Variants in LDLRAD4 observed in about 807,000 individuals in gnomAD.
LDLRAD4 encodes low-density lipoprotein receptor class A domain-containing protein 4.
LDLRAD4 carries 5 observed loss-of-function variants against 17.0 expected under a neutral mutation model. The observed-to-expected ratio is 0.29, with a 90% confidence interval of 0.15 to 0.62. The LOEUF (loss-of-function observed/expected upper bound fraction) is 0.62. Ranked by LOEUF, LDLRAD4 falls within the 20% of genes least tolerant of loss-of-function variation. LDLRAD4 has a pLI of 0.84. For missense variants in LDLRAD4, 340 were observed against 424.7 expected, an observed-to-expected ratio of 0.80 and a Z score of 1.75; for synonymous variants, 168 against 171.8, an observed-to-expected ratio of 0.98 and a Z score of 0.17.
chr18:13,247,825 T>C (rs1004290677), intron 1 of LDLRAD4, among the ~76,000 whole-genome samples: 1 of 152,170 alleles, frequency 6.6e-6, no homozygotes, highest in African/African-American at 2.4e-5. Flanking sequence ...GCCACAGTTT[T>C]CATAGGCCAC....
chr18:13,535,601 C>G (rs998810505), intron 3 of LDLRAD4, among the ~76,000 whole-genome samples: 25 of 152,080 alleles, frequency 1.6e-4, no homozygotes, highest in African/African-American at 5.8e-4. Context: ...TTCTCCTAGT[C>G]TGTGGTTTGT....
intron 2 of LDLRAD4, chr18:13,427,576 A>T (rs2090039469): frequency 6.6e-6 from 1 of 152,296 alleles, no homozygotes; most frequent in South Asian, 2.1e-4. Context: ...CCAGGGCTTC[A>T]GCCAGACAAT....
Position 13,607,908 on chromosome 18 carries a change from G to A in LDLRAD4, c.182-13209G>A, listed in dbSNP as rs1362999101. On this transcript the variant is annotated intron_variant, in intron 3 of 5. Coordinates refer to ENST00000359446, the Ensembl canonical transcript of LDLRAD4. ...GTAAATAATGTTGCAATAAACATAC[G>A]TGTGCATGTGTCTTTATAGTAGAAT... 2.6e-5 allele frequency among the ~76,000 whole-genome samples: 4 copies of A among 152,114 alleles called. No individual in the cohort carries two copies. In the South Asian group the frequency reaches 6.2e-4, roughly 24 times the overall value.
intron 3 of LDLRAD4, among the ~76,000 whole-genome samples, chr18:13,442,744 C>T (rs2091112535): frequency 6.6e-6 from 1 of 152,182 alleles, no homozygotes; most frequent in Admixed American, 6.5e-5. Flanking sequence ...GGGACAGCAG[C>T]GTTCCTTCGA....
chr18:13,605,931 G>T (rs2095218532), intron 3 of LDLRAD4, among the ~76,000 whole-genome samples: 1 of 152,138 alleles, frequency 6.6e-6, no homozygotes, highest in African/African-American at 2.4e-5. Context: ...TGGTTAACAT[G>T]CAGGCTCCAG....
intron 3 of LDLRAD4, among the ~76,000 whole-genome samples, chr18:13,557,150 TAGTC>T (rs1474984404): frequency 3.3e-5 from 5 of 150,646 alleles, no homozygotes; most frequent in Non-Finnish European, 5.9e-5. Context: ...AAAAAAAAAT[TAGTC>T]AGGCATCATG....
At chr18:13,498,965 T>TTC (rs2093550780) in intron 3 of LDLRAD4, among the ~76,000 whole-genome samples, 4 of 135,958 alleles carry the variant, frequency 2.9e-5, no homozygotes, top group East Asian at 4.7e-4. Context: ...CATGTCCTGC[T>TTC]GTGGACACTG....
intron 2 of LDLRAD4, among the ~76,000 whole-genome samples, chr18:13,411,760 T>C (rs1398802690): frequency 6.6e-6 from 1 of 152,236 alleles, no homozygotes; most frequent in East Asian, 1.9e-4. Context: ...GTTATGTCTT[T>C]ATTAGCAGTG....
chr18:13,403,626 A>T (rs1228330429), intron 2 of LDLRAD4, among the ~76,000 whole-genome samples: 1 of 152,112 alleles, frequency 6.6e-6, no homozygotes, highest in Non-Finnish European at 1.5e-5. Context: ...CCCCCTTCTG[A>T]TGGTGAATGT....
intron 1 of LDLRAD4, among the ~76,000 whole-genome samples, chr18:13,292,261 C>T (rs62097325): frequency 0.059 from 8,916 of 152,278 alleles, 272 homozygotes; most frequent in South Asian, 0.079. Context: ...CCTTGCTGTG[C>T]TCATAGACTG....
intron 1 of LDLRAD4, among the ~76,000 whole-genome samples, chr18:13,343,749 T>C (rs1426313207): frequency 6.6e-6 from 1 of 152,178 alleles, no homozygotes; most frequent in Non-Finnish European, 1.5e-5. Context: ...CACCTGTTGT[T>C]TCCTGACTTT....
At chr18:13,382,403 A>G (rs1464980330) in intron 1 of LDLRAD4, among the ~76,000 whole-genome samples, 1 of 152,170 alleles carries the variant, frequency 6.6e-6, no homozygotes, top group African/African-American at 2.4e-5. Flanking sequence ...ATACCCTGTA[A>G]CTTACTTGGT....
chr18:13,322,311 TG>T (rs746882223), intron 1 of LDLRAD4, among the ~76,000 whole-genome samples: 101 of 144,174 alleles, frequency 7.0e-4, no homozygotes, highest in Middle Eastern at 3.7e-3. Context: ...TTTTTTTTTT[TG>T]GTTTTGAGAC....
intron 1 of LDLRAD4, among the ~76,000 whole-genome samples, chr18:13,256,117 T>C (rs565327405): frequency 6.6e-6 from 1 of 152,346 alleles, no homozygotes; most frequent in African/African-American, 2.4e-5. Context: ...AGCACTTTGA[T>C]TCCCTGGGAG....
intron 1 of LDLRAD4, among the ~76,000 whole-genome samples, chr18:13,328,724 G>A (rs536115890): frequency 2.0e-4 from 30 of 152,144 alleles, no homozygotes; most frequent in African/African-American, 5.1e-4. Context: ...TAAAATTTGC[G>A]TTTTTAGTCA....
chr18:13,364,111 A>G (rs553341641), intron 1 of LDLRAD4, among the ~76,000 whole-genome samples: 3 of 152,360 alleles, frequency 2.0e-5, no homozygotes, highest in Admixed American at 6.5e-5. Context: ...TGAAAATATC[A>G]TATCATAGTA....
At chr18:13,221,558 T>TG (rs1432015953) in intron 1 of LDLRAD4, among the ~76,000 whole-genome samples, 1 of 152,222 alleles carries the variant, frequency 6.6e-6, no homozygotes, top group Non-Finnish European at 1.5e-5. Flanking sequence ...GGACATTTTT[T>TG]GGGGGGCATT....
At chr18:13,512,597 C>T (rs2093799374) in intron 3 of LDLRAD4, among the ~76,000 whole-genome samples, 1 of 152,150 alleles carries the variant, frequency 6.6e-6, no homozygotes, top group South Asian at 2.1e-4. Flanking sequence ...GTTCACAGTT[C>T]CTAGGTTAAA....
intron 1 of LDLRAD4, among the ~76,000 whole-genome samples, chr18:13,352,064 C>T (rs139310567): frequency 1.1e-4 from 16 of 152,118 alleles, no homozygotes; most frequent in Admixed American, 1.0e-3. Context: ...AATTCAACAT[C>T]CCTTTGTGTT....
Sources: allele counts gnomAD v4.1 joint callset (sites outside exome capture counted in the v4.1 genomes callset), GRCh38; gene constraint gnomAD v4.1.1; transcripts MANE v1.5; gene names NCBI Gene and HGNC (gene_info 2026-07-23, HGNC 2026-07-21).